ERC2: variants seen among roughly 807,000 people sequenced by gnomAD.
ERC2 encodes the protein ELKS/RAB6-interacting/CAST family member 2, also known as ERC protein 2.
Under a neutral mutation model 114.8 loss-of-function variants are expected in ERC2, and 42 were observed. The observed-to-expected ratio is 0.37, with a 90% CI of 0.29 to 0.47. The LOEUF is 0.47. Ranked by LOEUF, ERC2 falls within the 20% of genes least tolerant of loss-of-function variation. The pLI is 0.99. For synonymous variants in ERC2, 454 were observed against 425.5 expected, an observed-to-expected ratio of 1.07 and a Z score of -0.82; for missense variants, 939 against 1,150.7, an observed-to-expected ratio of 0.82 and a Z score of 2.66.
At chr3:56,364,390 T>G (rs540121201) in intron 2 of ERC2, among the ~76,000 whole-genome samples, 2 of 152,320 alleles carry the variant, frequency 1.3e-5, no homozygotes, top group African/African-American at 2.4e-5. Context: ...GTTAAAAATT[T>G]TATGTCAAAT....
At chr3:55,846,685 C>T (rs1313760082) in intron 14 of ERC2, among the ~76,000 whole-genome samples, 3 of 109,720 alleles carry the variant, frequency 2.7e-5, no homozygotes, top group Non-Finnish European at 5.3e-5. Flanking sequence ...CTCTCTCTCT[C>T]TCTCTCTTTC....
intron 2 of ERC2, among the ~76,000 whole-genome samples, chr3:56,337,560 A>G (rs1216879806): frequency 1.3e-5 from 2 of 152,266 alleles, no homozygotes; most frequent in Non-Finnish European, 2.9e-5. Flanking sequence ...AGTAAGCACT[A>G]AATAAATGAC....
At chr3:56,081,201 A>AT (rs767940009) in intron 6 of ERC2, among the ~76,000 whole-genome samples, 4 of 151,890 alleles carry the variant, frequency 2.6e-5, no homozygotes, top group Non-Finnish European at 5.9e-5. Flanking sequence ...TTTAAAAAAA[A>AT]AATAAGACTT....
chr3:55,856,399 C>T (rs2061785047), intron 14 of ERC2, among the ~76,000 whole-genome samples: 1 of 152,194 alleles, frequency 6.6e-6, no homozygotes, highest in African/African-American at 2.4e-5. Flanking sequence ...ACCATTCATT[C>T]TTCATCAACT....
intron 3 of ERC2, among the ~76,000 whole-genome samples, chr3:56,178,769 T>A (rs1465861582): frequency 1.3e-5 from 2 of 151,938 alleles, no homozygotes; most frequent in Admixed American, 1.3e-4. Context: ...AATTCCAGAT[T>A]CCAGTGGAGG....
chr3:56,211,812 A>C (rs2049079729), intron 3 of ERC2, among the ~76,000 whole-genome samples: 1 of 152,192 alleles, frequency 6.6e-6, no homozygotes, highest in African/African-American at 2.4e-5. Flanking sequence ...CTTACGGCCA[A>C]CTGAACTTTA....
chr3:55,632,289 T>A (rs982713730), intron 17 of ERC2, among the ~76,000 whole-genome samples: 2 of 152,186 alleles, frequency 1.3e-5, no homozygotes, highest in African/African-American at 4.8e-5. Context: ...CTATAGAACA[T>A]CAGCTTCTCA....
chr3:55,865,888 G>C (rs1358854486), intron 14 of ERC2, among the ~76,000 whole-genome samples: 2 of 151,818 alleles, frequency 1.3e-5, no homozygotes, highest in African/African-American at 4.8e-5. Context: ...TCACTTTTTG[G>C]CTATTATACA....
intron 14 of ERC2, among the ~76,000 whole-genome samples, chr3:55,877,946 T>C (rs1361114204): frequency 6.6e-6 from 1 of 152,102 alleles, no homozygotes; most frequent in Non-Finnish European, 1.5e-5. Context: ...TCAGAATTCT[T>C]TCAATATGTT....
chr3:55,859,943 A>G (rs766443391), intron 14 of ERC2, among the ~76,000 whole-genome samples: 11 of 152,152 alleles, frequency 7.2e-5, no homozygotes, highest in Admixed American at 1.3e-4. Flanking sequence ...CAATTCAGAG[A>G]GTAGAAAAGG....
In ERC2 at chr3:56,170,057, A is replaced by T. The variant is rs1330929439; in HGVS notation, c.1149+3389T>A. 1.3e-5 allele frequency among the ~76,000 whole-genome samples: 2 copies of T among 152,348 alleles called. 1 individual carries two copies. The highest frequency in any genetic ancestry group is 3.9e-4 in the East Asian group (2 of 5,184). On this transcript the variant is annotated intron_variant, in intron 4 of 17. Transcript: ENST00000288221. ...ACACAAAAGCAAGAGAAAGAGGAGC[A>T]CTGCAATATCTACAAGAAACTAATT...
intron 10 of ERC2, among the ~76,000 whole-genome samples, chr3:55,993,993 A>G (rs2071285624): frequency 6.6e-6 from 1 of 152,160 alleles, no homozygotes; most frequent in African/African-American, 2.4e-5. Context: ...TACTCCATAT[A>G]CCTGCTTCTA....
At chr3:56,266,934 C>A (rs529938585) in intron 3 of ERC2, among the ~76,000 whole-genome samples, 1 of 152,284 alleles carries the variant, frequency 6.6e-6, no homozygotes, top group Admixed American at 6.5e-5. Flanking sequence ...ACATTCACTG[C>A]AGCATTATTC....
intron 10 of ERC2, among the ~76,000 whole-genome samples, chr3:55,994,402 G>T (rs1156277779): frequency 1.3e-5 from 2 of 151,946 alleles, no homozygotes; most frequent in Non-Finnish European, 2.9e-5. Context: ...GTGGGTACAG[G>T]ATTACTAGTT....
intron 17 of ERC2, among the ~76,000 whole-genome samples, chr3:55,672,719 G>A (rs1310373560): frequency 6.6e-6 from 1 of 152,176 alleles, no homozygotes; most frequent in East Asian, 1.9e-4. Context: ...GAAAGCCACT[G>A]TGCTGAAGGC....
chr3:56,154,464 A>T (rs1210659701), intron 4 of ERC2, among the ~76,000 whole-genome samples: 3 of 152,090 alleles, frequency 2.0e-5, no homozygotes, highest in Admixed American at 6.6e-5. Flanking sequence ...CTTCTGACTC[A>T]TTCTTCATGA....
chr3:55,907,896 T>C (rs954763995), intron 13 of ERC2, among the ~76,000 whole-genome samples: 7 of 152,106 alleles, frequency 4.6e-5, no homozygotes, highest in Non-Finnish European at 8.8e-5. Context: ...AAACCAACAA[T>C]AGGCAGGGCA....
intron 1 of ERC2, among the ~76,000 whole-genome samples, chr3:56,462,812 G>A (rs1240489184): frequency 6.6e-6 from 1 of 152,188 alleles, no homozygotes; most frequent in Admixed American, 6.5e-5. Flanking sequence ...TGGCTTACAA[G>A]TAAAGAGCTT....
At chr3:56,061,301 A>C (rs569374532) in intron 7 of ERC2, among the ~76,000 whole-genome samples, 1 of 152,314 alleles carries the variant, frequency 6.6e-6, no homozygotes, top group East Asian at 1.9e-4. Context: ...CCTTCAATTC[A>C]ACACAGGGAT....
Sources: gnomAD v4.1 joint callset for allele counts (sites outside exome capture counted in the v4.1 genomes callset) on GRCh38, gnomAD v4.1.1 for gene constraint, MANE v1.5 for transcripts, NCBI Gene and HGNC (gene_info 2026-07-23, HGNC 2026-07-21) for gene names.